The following NUP50 variants were observed in gnomAD, a reference collection of about 807,000 sequenced individuals.
NUP50 encodes nuclear pore complex protein Nup50.
In NUP50, 14 loss-of-function variants were observed where a neutral mutation model predicts 36.8. That is an observed-to-expected ratio of 0.38 (90% confidence interval 0.25 to 0.59). The LOEUF is 0.59. Ranked by LOEUF, NUP50 falls within the 20% of genes least tolerant of loss-of-function variation. The pLI is 0.63. For missense variants in NUP50, 455 were observed against 564.6 expected (o/e 0.81, Z 1.97); for synonymous variants, 195 against 210.8 (o/e 0.93, Z 0.65).
chr22:45,181,473 G>A, intron 6 of NUP50, 106 bp downstream of exon 6: 2 of 597,146 alleles, frequency 3.3e-6, no homozygotes, highest in East Asian at 3.2e-5. Flanking sequence ...CAGTCTCGGG[G>A]TCAAGCTTTG....
At chr22:45,171,473 T>C in intron 2 of NUP50, 127 bp from the exon 3 acceptor site, 1 of 879,132 alleles carries the variant, frequency 1.1e-6, no homozygotes, top group Non-Finnish European at 1.8e-6. Flanking sequence ...CAAGCCATTG[T>C]GCCTGGCCAA....
intron 6 of NUP50, among the ~76,000 whole-genome samples, chr22:45,182,196 T>G (rs1231186065): frequency 2.0e-5 from 3 of 152,000 alleles, no homozygotes; most frequent in South Asian, 2.1e-4. Flanking sequence ...ATCCCAGCAC[T>G]TTGGGAGGCT....
rs2074464897 is a variant in NUP50, at chr22:45,185,995, G to A, written c.*1340G>A. 1 of 152,236 alleles carries A rather than the reference G, an allele frequency of 6.6e-6. No individual in the cohort carries two copies. Among genetic ancestry groups the A allele is most frequent in the South Asian group, 2.1e-4 (1 of 4,832 alleles). 9.4% of individuals were successfully genotyped at this position (152,236 alleles called of 1,614,324 possible). On this transcript the variant is annotated 3_prime_UTR_variant, in exon 8 of 8. Coordinates refer to ENST00000347635, the MANE Select transcript of NUP50 (RefSeq NM_007172.4). Reference sequence around the variant, plus strand: ...GCACATTCTCCATTTAGAAAAGAGTGGTCAGAATAATTGTGGACGGTACAG... The same window carrying A: ...GCACATTCTCCATTTAGAAAAGAGTAGTCAGAATAATTGTGGACGGTACAG...
rs1052059684 is a variant in NUP50, at chr22:45,187,929, C to T, written c.*3274C>T. On this transcript the variant is annotated 3_prime_UTR_variant, in exon 8 of 8. Coordinates refer to ENST00000347635, the MANE Select transcript of NUP50 (RefSeq NM_007172.4). ...TACTTGAATTGTCAGACAATATAAT[C>T]TCAGCTTGTATTAGTTTTTGAATGC... The T allele has an allele frequency of 6.6e-6, 1 of 152,630 alleles. No individual in the cohort carries two copies. Among genetic ancestry groups the T allele is most frequent in the Admixed American group, 6.5e-5 (1 of 15,288 alleles). 9.5% of individuals were successfully genotyped at this position (152,630 alleles called of 1,614,324 possible).
At position 45,187,794 on chromosome 22, in the gene NUP50, T is replaced by C. The variant is rs2083465564; in HGVS notation, c.*3139T>C. 1.3e-5 allele frequency: 2 copies of C among 152,616 alleles called. No homozygotes were observed. Among genetic ancestry groups the C allele is most frequent in the Admixed American group, 1.3e-4 (2 of 15,284 alleles). The allele number at this position is 152,616 out of a possible 1,614,324, so 9.5% of individuals were successfully genotyped here. On this transcript the variant is annotated 3_prime_UTR_variant, in exon 8 of 8. Coordinates refer to ENST00000347635, the MANE Select transcript of NUP50 (RefSeq NM_007172.4). ...CAATCATACTGAGGACGAAGGACTC[T>C]CCGTTTGATGCAGACACAATTGTAA...
At chr22:45,168,480 C>G (rs567139441) in intron 2 of NUP50, among the ~76,000 whole-genome samples, 1 of 152,216 alleles carries the variant, frequency 6.6e-6, no homozygotes, top group Non-Finnish European at 1.5e-5. Context: ...TGCTTTTCCA[C>G]TAGTGCCTGC....
chr22:45,164,417 C>G (rs1392410060), intron 1 of NUP50, 121 bp downstream of exon 1: 1 of 149,744 alleles, frequency 6.7e-6, no homozygotes, highest in Non-Finnish European at 1.5e-5. Flanking sequence ...GAGTGCAGGG[C>G]TGGGGACTGG....
In NUP50 at chr22:45,164,260, C is replaced by G. The variant is rs879429060; in HGVS notation, c.-47C>G. On this transcript the variant is annotated 5_prime_UTR_variant, in exon 1 of 8. Transcript: ENST00000347635. ...CGCTGCGCCCCGGGTTTCGCCGCAACCAAGACCCAGCGAGTGCAGCGGCGG... is the reference window on the plus strand; with the variant it reads ...CGCTGCGCCCCGGGTTTCGCCGCAAGCAAGACCCAGCGAGTGCAGCGGCGG... 6.6e-6 allele frequency: 1 copy of G among 152,494 alleles called. No individual in the cohort carries two copies. The highest frequency in any genetic ancestry group is 2.4e-5 in the African/African-American group (1 of 41,454). 9.4% of individuals were successfully genotyped at this position (152,494 alleles called of 1,614,324 possible). A position where few individuals can be genotyped will look rare whatever the true frequency, so the allele number is the denominator to read the frequency against.
rs773697277 is a variant in NUP50, at chr22:45,176,031, C to T, written c.291C>T (p.Ala97=). The T allele has an allele frequency of 4.3e-6, 7 of 1,614,008 alleles. No individual in the cohort carries two copies. The Admixed American group carries it at 1.0e-4, about 23-fold the overall frequency. ...GLSNGNNITS[A]PPFASAKAAA... ...CGAATGGAAACAACATAACCAGTGC[C>T]CCTCCCTTCGCCAGTGCAAAGGCAG... The change falls in exon 4 of 8, where the codon GCC becomes GCT. Residue 97 remains alanine (A), a synonymous_variant. Coordinates refer to ENST00000347635, the MANE Select transcript of NUP50 (RefSeq NM_007172.4).
At chr22:45,183,758 TAAG>T (rs761495720) in intron 7 of NUP50, 19 of 449,528 alleles carry the variant, frequency 4.2e-5, no homozygotes, top group Non-Finnish European at 7.2e-5. Flanking sequence ...GAAATGTGAC[TAAG>T]AAGCTAGAGA....
At chr22:45,167,925 A>G (rs2074120839) in intron 1 of NUP50, among the ~76,000 whole-genome samples, 2 of 152,090 alleles carry the variant, frequency 1.3e-5, no homozygotes, top group Non-Finnish European at 2.9e-5. Context: ...GTTGTTCAGG[A>G]CTGCTGGTGT....
intron 1 of NUP50, among the ~76,000 whole-genome samples, chr22:45,167,323 G>A (rs569582083): frequency 7.2e-5 from 11 of 152,290 alleles, no homozygotes; most frequent in African/African-American, 2.4e-4. Flanking sequence ...CACTCATAGC[G>A]GAGCTCTGGG....
At chr22:45,182,473 G>A (rs1344203201) in intron 6 of NUP50, among the ~76,000 whole-genome samples, 1 of 151,458 alleles carries the variant, frequency 6.6e-6, no homozygotes, top group Non-Finnish European at 1.5e-5. Context: ...ATGAGCCATG[G>A]TTTTGTATTA....
intron 3 of NUP50, 59 bp downstream of exon 3, chr22:45,171,742 G>C: frequency 7.5e-7 from 1 of 1,333,860 alleles, no homozygotes; most frequent in Non-Finnish European, 1.1e-6. Flanking sequence ...GGGTTGCACA[G>C]CAATCCCTCC....
intron 4 of NUP50, among the ~76,000 whole-genome samples, chr22:45,177,207 G>T (rs2074289906): frequency 1.3e-5 from 2 of 152,212 alleles, no homozygotes; most frequent in African/African-American, 2.4e-5. Context: ...TTGAGACAGG[G>T]TCTCGCTCTG....
intron 5 of NUP50, 144 bp from the exon 6 acceptor site, chr22:45,181,142 C>T: frequency 5.8e-6 from 1 of 171,346 alleles, no homozygotes; most frequent in Non-Finnish European, 1.2e-5. Context: ...GCATCCCCCC[C>T]CCCCCCCATT....
chr22:45,171,031 C>G (rs132875), intron 2 of NUP50: 1 of 1,302,844 alleles, frequency 7.7e-7, no homozygotes, highest in East Asian at 5.6e-5. Flanking sequence ...TATTCAGCAG[C>G]TTTCTGACGT....
intron 6 of NUP50, among the ~76,000 whole-genome samples, chr22:45,182,000 T>C (rs915271063): frequency 6.6e-6 from 1 of 152,230 alleles, no homozygotes; most frequent in Non-Finnish European, 1.5e-5. Context: ...CAGTTTTCCA[T>C]GAACAGGTCA....
At chr22:45,183,665 G>A (rs571505558) in intron 7 of NUP50, 145 bp downstream of exon 7, 1 of 637,332 alleles carries the variant, frequency 1.6e-6, no homozygotes, top group Admixed American at 2.5e-5. Flanking sequence ...TTATAGTTTT[G>A]AGTCCCAGGA....
Sources: allele counts gnomAD v4.1 joint callset (sites outside exome capture counted in the v4.1 genomes callset), GRCh38; gene constraint gnomAD v4.1.1; transcripts MANE v1.5; gene names NCBI Gene and HGNC (gene_info 2026-07-23, HGNC 2026-07-21).